The following ANKRD27 variants were observed in gnomAD, a reference collection of about 807,000 sequenced individuals.
ANKRD27 encodes the protein ankyrin repeat domain-containing protein 27.
In ANKRD27, 112 loss-of-function variants were observed where a neutral mutation model predicts 129.7. The observed-to-expected ratio is 0.86, with a 90% CI of 0.74 to 1.01. ANKRD27 has a LOEUF of 1.01. ANKRD27 is among the 50% of genes least tolerant of loss of function. The probability of loss-of-function intolerance (pLI) is 0.00; values close to 1 mark genes in which losing one functional copy is unlikely to be tolerated. For missense variants in ANKRD27, 1,258 were observed against 1,300.5 expected (o/e 0.97, Z 0.50); for synonymous variants, 516 against 511.2 (o/e 1.01, Z -0.13).
chr19:32,601,395 G>A (rs1395816570), intron 26 of ANKRD27, among the ~76,000 whole-genome samples: 1 of 152,018 alleles, frequency 6.6e-6, no homozygotes, highest in Non-Finnish European at 1.5e-5. Context: ...AGGAGATGGA[G>A]ACCATCCTGG....
At chr19:32,628,697 T>G (rs1379527171) in intron 14 of ANKRD27, 25 bp downstream of exon 14, 14 of 1,612,878 alleles carry the variant, frequency 8.7e-6, no homozygotes, top group Non-Finnish European at 1.2e-5. Context: ...CCTGGCACTC[T>G]GAGCCTCCAC....
In ANKRD27 at chr19:32,629,370, T is replaced by C. The variant is rs59179319; in HGVS notation, c.1210-521A>G. On this transcript the variant is annotated intron_variant, in intron 13 of 28. Coordinates refer to ENST00000306065, the MANE Select transcript of ANKRD27 (RefSeq NM_032139.3). ...TGGTGGCCGGCTCATTCTACTACTC[T>C]ATTTCTGGAAATGTTAAAAGTTTCC... 7.7e-4 allele frequency among the ~76,000 whole-genome samples: 117 copies of C among 152,290 alleles called. 1 individual carries two copies. The highest frequency in any genetic ancestry group is 2.6e-3 in the African/African-American group (110 of 41,566).
chr19:32,602,206 C>T, intron 25 of ANKRD27, 80 bp from the exon 26 acceptor site: 3 of 925,022 alleles, frequency 3.2e-6, no homozygotes, highest in Admixed American at 3.9e-5. Context: ...ATCTAAATGT[C>T]AGTATTAGTG....
intron 2 of ANKRD27, among the ~76,000 whole-genome samples, chr19:32,656,677 T>C (rs1967543500): frequency 1.3e-5 from 2 of 151,596 alleles, no homozygotes. Flanking sequence ...CCCAGCTACT[T>C]GGGAGGCTGA....
Position 32,628,068 on chromosome 19 carries a change from C to G in ANKRD27, c.1420+15G>C. ...TGCTGTGACAGCCCCTAGGGGCCAG[C>G]CCAGGACCACATACCACAGACAGCA... On this transcript the variant is annotated intron_variant, in intron 15 of 28. Coordinates refer to ENST00000306065, the MANE Select transcript of ANKRD27 (RefSeq NM_032139.3). The G allele has an allele frequency of 6.2e-7, 1 of 1,613,548 alleles. No homozygotes were observed. Among genetic ancestry groups the G allele is most frequent in the South Asian group, 1.1e-5 (1 of 91,056 alleles).
intron 1 of ANKRD27, among the ~76,000 whole-genome samples, chr19:32,667,410 G>A (rs1006449700): frequency 2.0e-5 from 3 of 151,894 alleles, no homozygotes; most frequent in Non-Finnish European, 2.9e-5. Flanking sequence ...ATGGAGTCTC[G>A]CTGTGTTGCC....
intron 9 of ANKRD27, 120 bp downstream of exon 9, chr19:32,643,003 T>A: frequency 2.1e-6 from 2 of 946,272 alleles, no homozygotes; most frequent in Non-Finnish European, 3.3e-6. Flanking sequence ...ACTGCGCTGC[T>A]CCTCAGAACT....
At chr19:32,670,143 C>G (rs1452569368) in intron 1 of ANKRD27, among the ~76,000 whole-genome samples, 2 of 152,162 alleles carry the variant, frequency 1.3e-5, no homozygotes, top group African/African-American at 4.8e-5. Flanking sequence ...TCAAAACATG[C>G]AGGTCACATG....
chr19:32,615,527 T>TGG, intron 22 of ANKRD27, 131 bp downstream of exon 22: 1 of 1,465,528 alleles, frequency 6.8e-7, no homozygotes, highest in Non-Finnish European at 9.4e-7. Context: ...GAGGCTGCAG[T>TGG]GGGTCATGAC....
rs565864888 is a variant in ANKRD27 at position 32,646,365 on chromosome 19, G to A, written c.370+94C>T. On this transcript the variant is annotated intron_variant, in intron 4 of 28. Coordinates refer to ENST00000306065, the MANE Select transcript of ANKRD27 (RefSeq NM_032139.3). ...ATTACAGGCGCGAGCCACCATACCC[G>A]GCCTTGTTTAACCTTTCAACAGCTA... The A allele has an allele frequency of 4.2e-4, 555 of 1,322,002 alleles. 6 individuals carry two copies. The South Asian group carries it at 4.9e-3, about 12-fold the overall frequency. The allele number at this position is 1,322,002 out of a possible 1,614,324, so 81.9% of individuals were successfully genotyped here. A position where few individuals can be genotyped will look rare whatever the true frequency, so the allele number is the denominator to read the frequency against.
intron 18 of ANKRD27, 68 bp from the exon 19 acceptor site, chr19:32,619,621 C>T (rs1010916988): frequency 3.2e-6 from 5 of 1,561,734 alleles, no homozygotes. Context: ...AGTGCCATCA[C>T]CCACACGCCC....
chr19:32,601,954 C>T, intron 26 of ANKRD27, 61 bp downstream of exon 26: 1 of 1,012,994 alleles, frequency 9.9e-7, no homozygotes, highest in South Asian at 1.3e-5. Context: ...ACACCAGCAA[C>T]TACTCATGAA....
Position 32,636,504 on chromosome 19 carries a change from A to G in ANKRD27, c.1116+2852T>C, listed in dbSNP as rs1183024477. 4.8e-5 allele frequency: 4 copies of G among 82,710 alleles called. No homozygotes were observed. The East Asian group carries it at 1.7e-3, about 34-fold the overall frequency. 5.1% of individuals were successfully genotyped at this position (82,710 alleles called of 1,614,324 possible). A position where few individuals can be genotyped will look rare whatever the true frequency, so the allele number is the denominator to read the frequency against. Reference sequence around the variant, plus strand: ...AATAAAATGCTGGCTCACATGCCTCAAAAAAAAAAAAAAAGATACAATTGT... The same window carrying G: ...AATAAAATGCTGGCTCACATGCCTCGAAAAAAAAAAAAAAGATACAATTGT... On this transcript the variant is annotated intron_variant, in intron 12 of 28. Coordinates refer to ENST00000306065, the MANE Select transcript of ANKRD27 (RefSeq NM_032139.3).
intron 13 of ANKRD27, 149 bp downstream of exon 13, chr19:32,631,253 C>T: frequency 1.4e-6 from 1 of 691,986 alleles, no homozygotes; most frequent in Non-Finnish European, 2.5e-6. Context: ...CTCCTGGCCT[C>T]AGGTTATCAC....
chr19:32,613,834 G>A (rs957993157), intron 22 of ANKRD27, among the ~76,000 whole-genome samples: 2 of 151,206 alleles, frequency 1.3e-5, no homozygotes, highest in South Asian at 2.1e-4. Flanking sequence ...TCAGCCTCCC[G>A]AGTAGCTGGG....
At chr19:32,655,819 A>C (rs1222420171) in intron 2 of ANKRD27, among the ~76,000 whole-genome samples, 1 of 152,022 alleles carries the variant, frequency 6.6e-6, no homozygotes, top group Non-Finnish European at 1.5e-5. Flanking sequence ...GGAGTTCGAG[A>C]CCAGCCTGCT....
At chr19:32,598,792 A>G (rs1306861233) in intron 28 of ANKRD27, among the ~76,000 whole-genome samples, 1 of 152,208 alleles carries the variant, frequency 6.6e-6, no homozygotes, top group Admixed American at 6.5e-5. Flanking sequence ...AAGACTAAAT[A>G]TGGTATCAAA....
intron 16 of ANKRD27, among the ~76,000 whole-genome samples, chr19:32,626,229 A>G (rs773127129): frequency 1.3e-4 from 20 of 152,198 alleles, no homozygotes; most frequent in Non-Finnish European, 2.5e-4. Flanking sequence ...GTGCAGTGGC[A>G]CGATCATTGC....
At chr19:32,643,778 G>A (rs1967248927) in intron 5 of ANKRD27, 147 bp from the exon 6 acceptor site, 3 of 749,606 alleles carry the variant, frequency 4.0e-6, no homozygotes, top group Non-Finnish European at 6.8e-6. Context: ...TTTTTTTTAG[G>A]TGTATATGCA....
Sources: allele counts gnomAD v4.1 joint callset (sites outside exome capture counted in the v4.1 genomes callset), GRCh38; gene constraint gnomAD v4.1.1; transcripts MANE v1.5; gene names NCBI Gene and HGNC (gene_info 2026-07-23, HGNC 2026-07-21).